PDS5A: variants seen among roughly 807,000 people sequenced by gnomAD.
PDS5A encodes the protein sister chromatid cohesion protein PDS5 homolog A.
A neutral mutation model predicts 167.1 loss-of-function variants in PDS5A; 42 were observed. That is an observed-to-expected ratio of 0.25 (90% CI 0.20 to 0.33). The LOEUF (loss-of-function observed/expected upper bound fraction) is 0.33, where lower values mean the gene tolerates loss of function less well. Among genes scored for constraint, PDS5A ranks in the 10% least tolerant of loss-of-function variants. The probability of loss-of-function intolerance (pLI) is 1.00; values close to 1 mark genes in which losing one functional copy is unlikely to be tolerated. For missense variants in PDS5A, 1,033 were observed against 1,605.9 expected (o/e 0.64, Z 6.10); for synonymous variants, 553 against 554.6 (o/e 1.00, Z 0.04).
intron 11 of PDS5A, among the ~76,000 whole-genome samples, chr4:39,904,611 C>T (rs1230836975): frequency 9.9e-5 from 15 of 152,210 alleles, no homozygotes; most frequent in Non-Finnish European, 2.1e-4. Context: ...GGATTACAGG[C>T]GTGAGCCACC....
intron 2 of PDS5A, among the ~76,000 whole-genome samples, chr4:39,946,275 G>A (rs1727758057): frequency 6.6e-6 from 1 of 151,450 alleles, no homozygotes; most frequent in East Asian, 1.9e-4. Flanking sequence ...GCGTACATAT[G>A]TGGGAAAAAG....
intron 26 of PDS5A, among the ~76,000 whole-genome samples, chr4:39,860,097 C>CA (rs1225503283): frequency 4.6e-5 from 7 of 151,720 alleles, no homozygotes; most frequent in Non-Finnish European, 7.4e-5. Flanking sequence ...AAAGGTTTCT[C>CA]AAAAAAACAA....
intron 21 of PDS5A, among the ~76,000 whole-genome samples, chr4:39,871,827 C>G (rs1720060786): frequency 6.6e-6 from 1 of 152,052 alleles, no homozygotes; most frequent in African/African-American, 2.4e-5. Flanking sequence ...CCTCAGCCTC[C>G]CGAATAGCTG....
At chr4:39,944,557 G>C (rs1432827623) in intron 2 of PDS5A, among the ~76,000 whole-genome samples, 1 of 152,034 alleles carries the variant, frequency 6.6e-6, no homozygotes, top group Non-Finnish European at 1.5e-5. Flanking sequence ...AGCCAGGCTT[G>C]GTGGTGCATG....
chr4:39,827,443 A>C (rs1037738443), intron 32 of PDS5A, among the ~76,000 whole-genome samples: 8 of 152,222 alleles, frequency 5.3e-5, no homozygotes, highest in African/African-American at 1.9e-4. Flanking sequence ...CTATGTACCA[A>C]GATGAACTGC....
At chr4:39,867,487 G>GT (rs1719571556) in intron 22 of PDS5A, among the ~76,000 whole-genome samples, 1 of 150,232 alleles carries the variant, frequency 6.7e-6, no homozygotes, top group Admixed American at 6.7e-5. Flanking sequence ...GAGGTCAGGC[G>GT]TTTGAGACCA....
intron 18 of PDS5A, 140 bp from the exon 19 acceptor site, chr4:39,877,293 C>G (rs1468323350): frequency 6.4e-6 from 3 of 469,302 alleles, no homozygotes; most frequent in Non-Finnish European, 1.1e-5. Flanking sequence ...CATCTCCTAG[C>G]CGTCCTTGCA....
intron 14 of PDS5A, 76 bp downstream of exon 14, chr4:39,900,350 C>T: frequency 2.4e-6 from 2 of 849,896 alleles, no homozygotes; most frequent in Admixed American, 2.2e-5. Context: ...TTTTTCCCTG[C>T]TTCATTACGT....
intron 2 of PDS5A, among the ~76,000 whole-genome samples, chr4:39,965,995 T>C (rs1729934425): frequency 6.6e-6 from 1 of 152,204 alleles, no homozygotes; most frequent in African/African-American, 2.4e-5. Flanking sequence ...AAAAGTTTGT[T>C]ACACAGCAAC....
chr4:39,838,469 C>T (rs530235224), intron 31 of PDS5A, among the ~76,000 whole-genome samples: 2 of 152,290 alleles, frequency 1.3e-5, no homozygotes, highest in East Asian at 1.9e-4. Flanking sequence ...CGCCTGTAAT[C>T]GCAGCACTTT....
intron 16 of PDS5A, among the ~76,000 whole-genome samples, chr4:39,897,181 G>A (rs1391438093): frequency 6.6e-6 from 1 of 151,978 alleles, no homozygotes; most frequent in Non-Finnish European, 1.5e-5. Context: ...ATCACCTGAG[G>A]TAAGGAGTTC....
In PDS5A at chr4:39,855,425, C is replaced by A. The variant is rs940573426; in HGVS notation, c.3087-5773G>T. The stretch of plus-strand genomic sequence containing the variant: ...ATTATAGTACTTAAAATGTCCAATT[C>A]CTAACGAAAAACTACAAATCACATA... On this transcript the variant is annotated intron_variant, in intron 26 of 32. Coordinates refer to ENST00000303538, the MANE Select transcript of PDS5A (RefSeq NM_001100399.2). Among the ~76,000 whole-genome samples the A allele has an allele frequency of 1.1e-4, 17 of 152,118 alleles. 1 individual carries two copies. The South Asian group carries it at 3.5e-3, about 32-fold the overall frequency.
intron 17 of PDS5A, among the ~76,000 whole-genome samples, chr4:39,882,991 C>G (rs1023463592): frequency 6.6e-6 from 1 of 152,144 alleles, no homozygotes; most frequent in East Asian, 1.9e-4. Flanking sequence ...TAGTAATGGA[C>G]GCCTTGAGTG....
chr4:39,908,289 T>C (rs1723572210), intron 11 of PDS5A, 106 bp downstream of exon 11: 2 of 870,974 alleles, frequency 2.3e-6, no homozygotes, highest in African/African-American at 3.4e-5. Flanking sequence ...TGTTATTAAT[T>C]TGATTTTCAC....
chr4:39,943,075 G>C (rs1355137942), intron 2 of PDS5A, among the ~76,000 whole-genome samples: 1 of 151,548 alleles, frequency 6.6e-6, no homozygotes, highest in Non-Finnish European at 1.5e-5. Flanking sequence ...GACCAAGTCT[G>C]AGAACAGAAA....
chr4:39,895,863 G>GC lies in PDS5A; in HGVS notation c.1770+2525dup, dbSNP rs1722362091. Among the ~76,000 whole-genome samples, 8 of 150,648 alleles carry GC rather than the reference G, an allele frequency of 5.3e-5. No individual in the cohort carries two copies. In the South Asian group the frequency reaches 1.5e-3, roughly 28 times the overall value. On this transcript the variant is annotated intron_variant, in intron 16 of 32. Coordinates refer to ENST00000303538, the MANE Select transcript of PDS5A (RefSeq NM_001100399.2). ...CTCCAGAGTAGCTGGGACTACAGGC[G>GC]CCCGCCACCATGCTCAGCTAATTTT...
In PDS5A at chr4:39,869,397, T is replaced by C. The variant is rs759439440; in HGVS notation, c.2502A>G (p.Ala834=). The C allele has an allele frequency of 1.9e-6, 3 of 1,579,876 alleles. No individual in the cohort carries two copies. The South Asian group carries it at 3.3e-5, about 17-fold the overall frequency. Residue 834 remains alanine, a synonymous_variant, in exon 22 of 33, where the codon GCA becomes GCG. Transcript: ENST00000303538. ...ATCAAGGCCTAAACAAATTTACCTT[T>C]GCTAGTACTTCAGGGGAAACCTCTT... ...PDEEVSPEVL[A]KVQAIKLLVR...
Position 39,894,404 on chromosome 4 carries a change from T to C in PDS5A, c.1770+3985A>G, listed in dbSNP as rs1430384080. 4.1e-5 allele frequency among the ~76,000 whole-genome samples: 6 copies of C among 146,260 alleles called. No homozygotes were observed. The East Asian group carries it at 1.4e-3, about 35-fold the overall frequency. On this transcript the variant is annotated intron_variant, in intron 16 of 32. Coordinates refer to ENST00000303538, the MANE Select transcript of PDS5A (RefSeq NM_001100399.2). Reference sequence around the variant, plus strand: ...GCCTGGGTGACAGAGCAAGACCCTATCTCAAAAAAAAAAGAAAAAAATAAG... The same window carrying C: ...GCCTGGGTGACAGAGCAAGACCCTACCTCAAAAAAAAAAGAAAAAAATAAG...
At chr4:39,973,942 G>A (rs185067968) in intron 2 of PDS5A, 238 of 547,440 alleles carry the variant, frequency 4.3e-4, no homozygotes, top group African/African-American at 4.3e-3. Context: ...TGGCTAACAC[G>A]GTGAAACCCG....
Sources: gnomAD v4.1 joint callset for allele counts (sites outside exome capture counted in the v4.1 genomes callset) on GRCh38, gnomAD v4.1.1 for gene constraint, MANE v1.5 for transcripts, NCBI Gene and HGNC (gene_info 2026-07-23, HGNC 2026-07-21) for gene names.